Variants in DDX54 observed in about 807,000 individuals in gnomAD.
DDX54 encodes the protein ATP-dependent RNA helicase DDX54.
DDX54 carries 67 observed loss-of-function variants against 105.5 expected under a neutral mutation model. The ratio of observed to expected loss-of-function variants is 0.64; its 90% CI spans 0.52 to 0.78. DDX54 has a LOEUF of 0.78. Ranked by LOEUF, DDX54 falls within the 30% of genes least tolerant of loss-of-function variation. The probability of loss-of-function intolerance (pLI) is 0.00; values close to 1 mark genes in which losing one functional copy is unlikely to be tolerated. For missense variants in DDX54, 1,206 were observed against 1,230.5 expected (o/e 0.98, Z 0.30); for synonymous variants, 514 against 509.9 (o/e 1.01, Z -0.11).
intron 18 of DDX54, among the ~76,000 whole-genome samples, chr12:113,161,643 A>AGAT (rs1952208625): frequency 7.5e-6 from 1 of 133,862 alleles, no homozygotes; most frequent in African/African-American, 2.9e-5. Flanking sequence ...CACTTACTGG[A>AGAT]GATGCTGCTG....
chr12:113,172,106 G>A (rs1405324188), intron 11 of DDX54, among the ~76,000 whole-genome samples: 2 of 151,910 alleles, frequency 1.3e-5, no homozygotes, highest in Non-Finnish European at 2.9e-5. Context: ...AAAACCATAA[G>A]CTGAATAATT....
At position 113,179,043 on chromosome 12, in the gene DDX54, A is replaced by G. The variant is rs1453229035; in HGVS notation, c.565-17T>C. 2 of 1,613,876 alleles carry G rather than the reference A, an allele frequency of 1.2e-6. No individual in the cohort carries two copies. The highest frequency in any genetic ancestry group is 8.5e-7 in the Non-Finnish European group (1 of 1,179,968). ...CTTGCCTAGCTGAGAAGAGAAAGTGATTGAGAGAGGGCAGGGGTGAGATGA... is the reference window on the plus strand; with the variant it reads ...CTTGCCTAGCTGAGAAGAGAAAGTGGTTGAGAGAGGGCAGGGGTGAGATGA... On this transcript the variant is annotated splice_polypyrimidine_tract_variant and intron_variant, in intron 4 of 19. Coordinates refer to ENST00000306014, the MANE Select transcript of DDX54 (RefSeq NM_024072.4).
chr12:113,174,869 C>T lies in DDX54; in HGVS notation c.936+6G>A. On this transcript the variant is annotated splice_donor_region_variant and intron_variant, in intron 9 of 19. Coordinates refer to ENST00000306014, the MANE Select transcript of DDX54 (RefSeq NM_024072.4). ...ACCTCCTGGGATGGGACAGGTGCAG[C>T]CTCACCTTCAGCTGCTCGTTGAGCT... 1 of 1,614,140 alleles carries T rather than the reference C, an allele frequency of 6.2e-7. No homozygotes were observed. The highest frequency in any genetic ancestry group is 8.5e-7 in the Non-Finnish European group (1 of 1,180,020).
chr12:113,185,189 C>T (rs1952514312), intron 1 of DDX54, 89 bp downstream of exon 1: 2 of 1,400,538 alleles, frequency 1.4e-6, no homozygotes. Flanking sequence ...CTGCGGAGCC[C>T]AATCCCCAGC....
At chr12:113,169,649 A>G in intron 12 of DDX54, 121 bp downstream of exon 12, 1 of 1,227,660 alleles carries the variant, frequency 8.1e-7, no homozygotes, top group Admixed American at 2.6e-5. Flanking sequence ...ATAAAATACA[A>G]TAAAATAAAT....
chr12:113,161,855 T>TCGGCCCCGCCCCTCCC (rs750013535), intron 18 of DDX54, 38 bp downstream of exon 18: 1 of 1,285,866 alleles, frequency 7.8e-7, no homozygotes, highest in Non-Finnish European at 1.0e-6. Context: ...CTGAAGCTCC[T>TCGGCCCCGCCCCTCCC]CGGCCCCGCC....
At chr12:113,159,921 T>C (rs1952183676) in intron 19 of DDX54, among the ~76,000 whole-genome samples, 1 of 151,970 alleles carries the variant, frequency 6.6e-6, no homozygotes, top group Non-Finnish European at 1.5e-5. Flanking sequence ...GGGATGACCA[T>C]TAAGGTGGTC....
chr12:113,162,874 A>C, intron 17 of DDX54, 58 bp downstream of exon 17: 2 of 1,439,194 alleles, frequency 1.4e-6, no homozygotes, highest in South Asian at 2.7e-5. Context: ...GGCACGGAGG[A>C]GCAGCTCACT....
intron 1 of DDX54, 81 bp from the exon 2 acceptor site, chr12:113,181,139 C>T: frequency 6.8e-7 from 1 of 1,473,424 alleles, no homozygotes; most frequent in Non-Finnish European, 9.0e-7. Flanking sequence ...TGTGCTGTTG[C>T]CCTCTCTCCC....
At chr12:113,161,628 G>C in intron 18 of DDX54, 1 of 522,816 alleles carries the variant, frequency 1.9e-6, no homozygotes, top group South Asian at 2.1e-5. Context: ...CCCCAGCACA[G>C]GCCCCACTTA....
rs768748452 is a variant in DDX54 at position 113,162,940 on chromosome 12, C to T, written c.2187G>A (p.Gln729=). 1.6e-5 allele frequency: 25 copies of T among 1,596,978 alleles called. 1 individual carries two copies. The highest frequency in any genetic ancestry group is 1.9e-5 in the Non-Finnish European group (22 of 1,175,146). ...CTCACTCGATCACTCACCACTTGAG[C>T]TGCTGCCGGCCCCTCGTCAGGTTCT... ...EAQNLTRGRQ[Q]LKWDRKKKRF... The change falls in exon 17 of 20, where the codon CAG becomes CAA. Residue 729 remains glutamine (Q), a synonymous_variant. Transcript: ENST00000306014.
rs942644788 is a variant in DDX54 at position 113,158,514 on chromosome 12, T to C, written c.*363A>G. On this transcript the variant is annotated 3_prime_UTR_variant, in exon 20 of 20. Transcript: ENST00000306014. The surrounding 1 kb of genome is among the most constrained non-coding windows in gnomAD (Gnocchi z 4.9). The stretch of plus-strand genomic sequence containing the variant: ...CCAGCAGTGCTCAATAAAGATTTAT[T>C]ACATTAAAAATTCCATTGCCAAACC... 5.0e-6 allele frequency: 1 copy of C among 200,210 alleles called. No individual in the cohort carries two copies. The highest frequency in any genetic ancestry group is 2.3e-5 in the African/African-American group (1 of 43,168). 12.4% of individuals were successfully genotyped at this position (200,210 alleles called of 1,614,324 possible). A position where few individuals can be genotyped will look rare whatever the true frequency, so the allele number is the denominator to read the frequency against.
intron 6 of DDX54, 47 bp downstream of exon 6, chr12:113,177,005 C>T: frequency 6.2e-7 from 1 of 1,613,676 alleles, no homozygotes; most frequent in Non-Finnish European, 8.5e-7. Flanking sequence ...TACACCCCCA[C>T]CACTAGGAAG....
rs746863532 is a variant in DDX54 at position 113,159,056 on chromosome 12, G to A, written c.2467C>T (p.Leu823Phe). 2 of 1,610,260 alleles carry A rather than the reference G, an allele frequency of 1.2e-6. No homozygotes were observed. The highest frequency in any genetic ancestry group is 2.2e-5 in the South Asian group (2 of 90,464). The change falls in exon 20 of 20, where the codon CTC (leucine) becomes TTC (phenylalanine). Residue 823 changes from leucine to phenylalanine, a missense_variant. Transcript: ENST00000306014. ...TTCAGGATCTGCTGCTTGGTCTTGAGTTCCGGGCGGACTCGGCCTGCAGGG... is the reference window on the plus strand; with the variant it reads ...TTCAGGATCTGCTGCTTGGTCTTGAATTCCGGGCGGACTCGGCCTGCAGGG... Reference protein sequence around the residue: ...GTPAGRVRPELKTKQQILKQR... With the variant: ...GTPAGRVRPEFKTKQQILKQR...
Position 113,179,241 on chromosome 12 carries a change from C to G in DDX54, c.466G>C (p.Glu156Gln). 1 of 1,614,112 alleles carries G rather than the reference C, an allele frequency of 6.2e-7. No individual in the cohort carries two copies. Residue 156 changes from glutamate to glutamine, a missense_variant, in exon 4 of 20, where the codon GAG (glutamate) becomes CAG (glutamine). Physicochemically the swap from Glu to Gln is conservative, Grantham distance 29. Transcript: ENST00000306014. ...TGGGCACTGTGGGTCTTGAGCCGCT[C>G]GAACATTGGGAGGAGGAAGCAGGCT... ...KTACFLLPMF[E>Q]RLKTHSAQTG...
intron 10 of DDX54, among the ~76,000 whole-genome samples, chr12:113,173,578 G>A (rs560847484): frequency 5.3e-4 from 80 of 152,300 alleles, no homozygotes; most frequent in South Asian, 3.5e-3. Context: ...TGACCCAGGC[G>A]GGGGTCACAC....
chr12:113,163,159 C>A lies in DDX54; in HGVS notation c.2054G>T (p.Arg685Leu). 6.2e-7 allele frequency: 1 copy of A among 1,613,160 alleles called. No individual in the cohort carries two copies. The highest frequency in any genetic ancestry group is 8.5e-7 in the Non-Finnish European group (1 of 1,180,008). ...CCGCTCGCTGTCAAAGTCCTTGGGC[C>A]GGTAGGGGATGTAGAATTCCTGGTC... The part of the protein sequence containing the change: ...QRDQEFYIPY[R>L]PKDFDSERGL... The change falls in exon 16 of 20, where the codon CGG becomes CTG. Residue 685 changes from arginine (R) to leucine (L), a missense_variant. By Grantham distance (102) the Arg-to-Leu change is moderately radical (BLOSUM62 -2). Around this residue, in one of 3 missense-constraint regions of DDX54, gnomAD observed 961 missense variants for 1,019.1 expected, o/e 0.94. Transcript: ENST00000306014. The surrounding 1 kb of genome is among the most constrained non-coding windows in gnomAD (Gnocchi z 5.9).
intron 14 of DDX54, among the ~76,000 whole-genome samples, chr12:113,164,597 C>T (rs1405970899): frequency 1.3e-5 from 2 of 152,108 alleles, no homozygotes; most frequent in Admixed American, 1.3e-4. Flanking sequence ...ACCTGTAGTC[C>T]CAGCTACTTA....
intron 12 of DDX54, among the ~76,000 whole-genome samples, chr12:113,168,585 G>A (rs541292726): frequency 9.8e-5 from 15 of 152,344 alleles, no homozygotes; most frequent in African/African-American, 3.6e-4. Context: ...GGAGGCCATG[G>A]TGATTGCTAT....
Sources: gnomAD v4.1 joint callset for allele counts (sites outside exome capture counted in the v4.1 genomes callset) on GRCh38, gnomAD v4.1.1 for gene constraint, gnomAD v4.1.1 regional missense constraint, Gnocchi (gnomAD v3.1) non-coding constraint, MANE v1.5 for transcripts, NCBI Gene and HGNC (gene_info 2026-07-23, HGNC 2026-07-21) for gene names.